Variants in DET1 observed in about 807,000 individuals in gnomAD.
DET1 encodes the protein DET1 partner of COP1 E3 ubiquitin ligase.
A neutral mutation model predicts 43.7 loss-of-function variants in DET1; 22 were observed. The ratio of observed to expected loss-of-function variants is 0.50; its 90% CI spans 0.36 to 0.72. The LOEUF (loss-of-function observed/expected upper bound fraction) is 0.72. Ranked by LOEUF, DET1 falls within the 30% of genes least tolerant of loss-of-function variation. The pLI is 0.00. For synonymous variants in DET1, 315 were observed against 266.2 expected (o/e 1.18, Z -1.79); for missense variants, 713 against 713.3 (o/e 1.00, Z 0.00).
At chr15:88,545,794 C>A (rs1300319873) in intron 1 of DET1, among the ~76,000 whole-genome samples, 1 of 151,634 alleles carries the variant, frequency 6.6e-6, no homozygotes, top group Non-Finnish European at 1.5e-5. Flanking sequence ...AGACAGACTC[C>A]ATCTTGGCTC....
In DET1 at chr15:88,512,853, A is replaced by G; in HGVS notation, c.*98T>C. ...ATCTGAGGTATAGCAGGCTGGAACT[A>G]ACAGAGCTAGTAGTCGGGAGCTTTT... On this transcript the variant is annotated 3_prime_UTR_variant, in exon 5 of 5. Coordinates refer to ENST00000268148, the MANE Select transcript of DET1 (RefSeq NM_001144074.3). 6.6e-7 allele frequency: 1 copy of G among 1,523,484 alleles called. No individual in the cohort carries two copies. The highest frequency in any genetic ancestry group is 8.8e-7 in the Non-Finnish European group (1 of 1,132,962). 94.4% of individuals were successfully genotyped at this position (1,523,484 alleles called of 1,614,324 possible).
At chr15:88,524,454 G>A (rs2056603143) in intron 3 of DET1, among the ~76,000 whole-genome samples, 1 of 152,270 alleles carries the variant, frequency 6.6e-6, no homozygotes, top group Non-Finnish European at 1.5e-5. Context: ...CCCCATCTGG[G>A]AGGAGTACCC....
chr15:88,545,441 T>C lies in DET1; in HGVS notation c.-11+1099A>G, dbSNP rs558569366. On this transcript the variant is annotated intron_variant, in intron 1 of 4. Transcript: ENST00000268148. Reference sequence around the variant, plus strand: ...GTCATAAAAGATACCCTCCAAAAAGTTCGAGAATATCTAGATAGGCAACAA... The same window carrying C: ...GTCATAAAAGATACCCTCCAAAAAGCTCGAGAATATCTAGATAGGCAACAA... Among the ~76,000 whole-genome samples the C allele has an allele frequency of 7.2e-5, 11 of 152,214 alleles. No individual in the cohort carries two copies. In the East Asian group the frequency reaches 1.9e-3, roughly 27 times the overall value.
intron 4 of DET1, among the ~76,000 whole-genome samples, chr15:88,515,566 A>AAAAAAAAAAAAAC (rs2056323249): frequency 6.7e-6 from 1 of 149,850 alleles, no homozygotes; most frequent in Non-Finnish European, 1.5e-5. Context: ...AAAAAAAAAA[A>AAAAAAAAAAAAAC]AAGACCGAAG....
downstream of DET1, among the ~76,000 whole-genome samples, chr15:88,510,428 C>T (rs1193826764): frequency 6.6e-6 from 1 of 152,160 alleles, no homozygotes; most frequent in African/African-American, 2.4e-5. Context: ...AATCAAACCA[C>T]CTGGTTCAAA....
intron 3 of DET1, among the ~76,000 whole-genome samples, chr15:88,521,597 C>A (rs1257387826): frequency 6.6e-6 from 1 of 152,116 alleles, no homozygotes; most frequent in African/African-American, 2.4e-5. Flanking sequence ...AGAAAAGGTA[C>A]ATGAGAGGTA....
At chr15:88,540,491 C>T (rs1384865743) in intron 1 of DET1, among the ~76,000 whole-genome samples, 2 of 151,856 alleles carry the variant, frequency 1.3e-5, no homozygotes, top group African/African-American at 4.8e-5. Flanking sequence ...GGAAACACTT[C>T]CTCCCAGCCT....
At chr15:88,502,174 A>G (rs2056095106) in intron 8 of DET1, 1 of 152,130 alleles carries the variant, frequency 6.6e-6, no homozygotes. Flanking sequence ...AAACTTTGTA[A>G]CCCCCAACAG....
downstream of DET1, among the ~76,000 whole-genome samples, chr15:88,508,633 G>T (rs375674914): frequency 7.1e-4 from 108 of 152,342 alleles, no homozygotes; most frequent in South Asian, 0.02. Context: ...AGAAGGACTA[G>T]AGGTGACCAC....
chr15:88,535,337 G>A (rs542804486), intron 1 of DET1, among the ~76,000 whole-genome samples: 2 of 151,110 alleles, frequency 1.3e-5, no homozygotes, highest in South Asian at 4.2e-4. Context: ...GAACAAAAGA[G>A]GGAAAAAATA....
intron 4 of DET1, among the ~76,000 whole-genome samples, chr15:88,514,602 C>T (rs531177466): frequency 6.6e-5 from 10 of 152,046 alleles, no homozygotes; most frequent in South Asian, 6.2e-4. Context: ...TAGAATAATA[C>T]GCCTTCATTA....
At chr15:88,528,207 T>A (rs1335230910) in intron 2 of DET1, among the ~76,000 whole-genome samples, 1 of 152,286 alleles carries the variant, frequency 6.6e-6, no homozygotes, top group African/African-American at 2.4e-5. Context: ...ATGCCAGATT[T>A]AATTTTCTTT....
At position 88,516,778 on chromosome 15, in the gene DET1, G is replaced by C; in HGVS notation, c.1463+4C>G. 2.5e-6 allele frequency: 4 copies of C among 1,569,842 alleles called. No individual in the cohort carries two copies. The highest frequency in any genetic ancestry group is 3.4e-6 in the Non-Finnish European group (4 of 1,162,708). On this transcript the variant is annotated splice_donor_region_variant and intron_variant, in intron 4 of 4. Transcript: ENST00000268148. This position sits in a 1 kb window ranked among gnomAD's most constrained non-coding sequence, Gnocchi z 4.4. Reference sequence around the variant, plus strand: ...AGTTTGTAGCTATAGCAGTGACACTGTACCTGATTGGGTGATCTCCACAAG... The same window carrying C: ...AGTTTGTAGCTATAGCAGTGACACTCTACCTGATTGGGTGATCTCCACAAG...
chr15:88,516,854 G>C lies in DET1; in HGVS notation c.1391C>G (p.Ser464Cys), dbSNP rs767654728. 5 of 1,610,722 alleles carry C rather than the reference G, an allele frequency of 3.1e-6. No individual in the cohort carries two copies. The South Asian group carries it at 5.5e-5, about 18-fold the overall frequency. The change falls in exon 4 of 5, where the codon TCT (serine) becomes TGT (cysteine). Residue 464 changes from serine (S) to cysteine (C), a missense_variant. Coordinates refer to ENST00000268148, the MANE Select transcript of DET1 (RefSeq NM_001144074.3). The surrounding 1 kb of genome is among the most constrained non-coding windows in gnomAD (Gnocchi z 4.4). Reference sequence around the variant, plus strand: ...CCACTTGTCATCATAACTGAAGAGAGACAAATCCAGATAGGGGCTACCGCT... The same window carrying C: ...CCACTTGTCATCATAACTGAAGAGACACAAATCCAGATAGGGGCTACCGCT... ...SYSGSPYLDL[S>C]LFSYDDKWVS... is the part of the protein sequence containing the mutation.
chr15:88,505,165 C>T (rs143887513), intron 7 of DET1: 2 of 152,312 alleles, frequency 1.3e-5, no homozygotes, highest in African/African-American at 2.4e-5. Flanking sequence ...TCTAACAAAT[C>T]GATTCACATC....
At position 88,539,336 on chromosome 15, in the gene DET1, C is replaced by T. The variant is rs184184723; in HGVS notation, c.-11+7204G>A. On this transcript the variant is annotated intron_variant, in intron 1 of 4. Coordinates refer to ENST00000268148, the MANE Select transcript of DET1 (RefSeq NM_001144074.3). Reference sequence around the variant, plus strand: ...GCATCGGACATAGCTCGATCCAAGCCGGGGGTTTATACCGGCCTGCCAATG... The same window carrying T: ...GCATCGGACATAGCTCGATCCAAGCTGGGGGTTTATACCGGCCTGCCAATG... Among the ~76,000 whole-genome samples, 347 of 151,060 alleles carry T rather than the reference C, an allele frequency of 2.3e-3. 3 individuals carry two copies. Among genetic ancestry groups the T allele is most frequent in the African/African-American group, 8.1e-3 (333 of 41,176 alleles).
At chr15:88,517,345 C>T (rs2056373307) in intron 3 of DET1, among the ~76,000 whole-genome samples, 1 of 151,560 alleles carries the variant, frequency 6.6e-6, no homozygotes, top group Non-Finnish European at 1.5e-5. Flanking sequence ...CCCACCTCAG[C>T]CCCCAGAGTA....
chr15:88,521,999 C>A (rs886387015), intron 3 of DET1, among the ~76,000 whole-genome samples: 3 of 151,758 alleles, frequency 2.0e-5, no homozygotes, highest in African/African-American at 7.3e-5. Context: ...GTAAATCTTC[C>A]TGCCAAGGTA....
intron 1 of DET1, among the ~76,000 whole-genome samples, chr15:88,538,315 T>C (rs1443718066): frequency 6.6e-6 from 1 of 150,934 alleles, no homozygotes; most frequent in African/African-American, 2.4e-5. Context: ...TGGCAAGCTA[T>C]ATCCACAGTC....
Sources: gnomAD v4.1 joint callset for allele counts (sites outside exome capture counted in the v4.1 genomes callset) on GRCh38, gnomAD v4.1.1 for gene constraint, Gnocchi (gnomAD v3.1) non-coding constraint, MANE v1.5 for transcripts, NCBI Gene and HGNC (gene_info 2026-07-23, HGNC 2026-07-21) for gene names.